The following EPHA3 variants were observed in gnomAD, a reference collection of about 807,000 sequenced individuals.
EPHA3 encodes the protein ephrin type-A receptor 3.
A neutral mutation model predicts 107.1 loss-of-function variants in EPHA3; 42 were observed. The observed-to-expected ratio is 0.39, with a 90% CI of 0.31 to 0.51. The LOEUF is 0.51. EPHA3 is among the 20% of genes least tolerant of loss of function. The pLI, the probability that EPHA3 is intolerant of heterozygous loss-of-function variation, is 0.78. For synonymous variants in EPHA3, 461 were observed against 424.8 expected (o/e 1.09, Z -1.05); for missense variants, 1,183 against 1,211.2 (o/e 0.98, Z 0.35).
At chr3:89,275,030 A>G (rs1302521937) in intron 3 of EPHA3, among the ~76,000 whole-genome samples, 1 of 152,072 alleles carries the variant, frequency 6.6e-6, no homozygotes, top group African/African-American at 2.4e-5. Context: ...AACTTTGCTA[A>G]TGATGAAACT....
intron 3 of EPHA3, among the ~76,000 whole-genome samples, chr3:89,217,833 G>A (rs1704254505): frequency 6.6e-6 from 1 of 151,896 alleles, no homozygotes; most frequent in Non-Finnish European, 1.5e-5. Flanking sequence ...ATGAGATGAA[G>A]GAATACCTGA....
intron 2 of EPHA3, among the ~76,000 whole-genome samples, chr3:89,141,294 C>T (rs1704427204): frequency 6.6e-6 from 1 of 151,372 alleles, no homozygotes; most frequent in Non-Finnish European, 1.5e-5. Flanking sequence ...TGGACTTAGA[C>T]TAGAGGTGCA....
chr3:89,265,221 C>G (rs1352560013), intron 3 of EPHA3, among the ~76,000 whole-genome samples: 1 of 152,088 alleles, frequency 6.6e-6, no homozygotes, highest in African/African-American at 2.4e-5. Context: ...AACAAATCTT[C>G]TTTCCAAAGC....
intron 3 of EPHA3, among the ~76,000 whole-genome samples, chr3:89,271,011 T>G (rs1014060404): frequency 6.6e-6 from 1 of 151,948 alleles, no homozygotes; most frequent in Non-Finnish European, 1.5e-5. Context: ...TTTAATCAAG[T>G]TAAAAAAACT....
chr3:89,348,618 A>C (rs1327291576), intron 5 of EPHA3, among the ~76,000 whole-genome samples: 1 of 133,730 alleles, frequency 7.5e-6, no homozygotes, highest in Non-Finnish European at 1.6e-5. Context: ...TATTTCCTTC[A>C]GTTCTGCTCT....
chr3:89,190,527 G>A (rs1705689702), intron 2 of EPHA3, among the ~76,000 whole-genome samples: 1 of 152,088 alleles, frequency 6.6e-6, no homozygotes, highest in Non-Finnish European at 1.5e-5. Context: ...CAGACTGGGT[G>A]GTTTAAACAA....
At chr3:89,398,544 A>G (rs1050395107) in intron 6 of EPHA3, among the ~76,000 whole-genome samples, 1 of 152,224 alleles carries the variant, frequency 6.6e-6, no homozygotes, top group African/African-American at 2.4e-5. Flanking sequence ...GTAGAGCTAC[A>G]TATAAAACCT....
intron 3 of EPHA3, among the ~76,000 whole-genome samples, chr3:89,313,627 T>A (rs1002917049): frequency 6.6e-5 from 10 of 152,092 alleles, no homozygotes; most frequent in Admixed American, 5.3e-4. Context: ...GTCTATGTCC[T>A]CTGTAGGTTC....
rs1469349885 is a variant in EPHA3 at position 89,143,325 on chromosome 3, T to G, written c.153+16052T>G. Among the ~76,000 whole-genome samples the G allele has an allele frequency of 1.8e-4, 27 of 151,470 alleles. No homozygotes were observed. The Admixed American group carries it at 1.8e-3, about 10-fold the overall frequency. ...ATATAACCCAATCTGTACTACTAAG[T>G]GGCGTTGAAAGATCTTGCTTTCACT... On this transcript the variant is annotated intron_variant, in intron 2 of 16. Coordinates refer to ENST00000336596, the MANE Select transcript of EPHA3 (RefSeq NM_005233.6).
intron 16 of EPHA3, among the ~76,000 whole-genome samples, chr3:89,477,322 T>C (rs1576399220): frequency 6.6e-6 from 1 of 151,900 alleles, no homozygotes; most frequent in South Asian, 2.1e-4. Context: ...AGGCACAAGC[T>C]CTCCAGAGAG....
At chr3:89,321,746 C>T (rs1707047580) in intron 3 of EPHA3, among the ~76,000 whole-genome samples, 1 of 151,910 alleles carries the variant, frequency 6.6e-6, no homozygotes, top group African/African-American at 2.4e-5. Flanking sequence ...TAATAAATGC[C>T]TTAATAGCAA....
chr3:89,148,734 G>A (rs760343318), intron 2 of EPHA3, among the ~76,000 whole-genome samples: 6 of 151,930 alleles, frequency 3.9e-5, no homozygotes, highest in Non-Finnish European at 7.4e-5. Context: ...TCTTAGGAAA[G>A]TTCTGTTTAT....
intron 13 of EPHA3, among the ~76,000 whole-genome samples, chr3:89,432,325 A>G (rs1225112600): frequency 6.6e-6 from 1 of 152,196 alleles, no homozygotes; most frequent in East Asian, 1.9e-4. Context: ...ATTTGCATCC[A>G]TTTAATTCAA....
At chr3:89,347,542 C>A (rs545787085) in intron 5 of EPHA3, among the ~76,000 whole-genome samples, 28,744 of 147,518 alleles carry the variant, frequency 0.19, 4,260 homozygotes, top group Non-Finnish European at 0.28. Context: ...TCTAGATATA[C>A]AATCATGTAG....
chr3:89,171,461 TG>T (rs772235299), intron 2 of EPHA3, among the ~76,000 whole-genome samples: 4 of 152,196 alleles, frequency 2.6e-5, no homozygotes, highest in Non-Finnish European at 4.4e-5. Flanking sequence ...GTTTTTCTTA[TG>T]ACACAAATTG....
chr3:89,357,735 G>C (rs1033486462), intron 5 of EPHA3, among the ~76,000 whole-genome samples: 1 of 151,106 alleles, frequency 6.6e-6, no homozygotes, highest in African/African-American at 2.4e-5. Flanking sequence ...ATTGCCTACT[G>C]TTCCATTAAC....
intron 16 of EPHA3, among the ~76,000 whole-genome samples, chr3:89,477,399 A>G (rs1248310251): frequency 6.6e-6 from 1 of 152,184 alleles, no homozygotes; most frequent in Non-Finnish European, 1.5e-5. Context: ...TTCTCAGCCC[A>G]GATGGTAGGA....
At chr3:89,330,894 A>G (rs903224005) in intron 3 of EPHA3, among the ~76,000 whole-genome samples, 3 of 152,168 alleles carry the variant, frequency 2.0e-5, no homozygotes, top group Admixed American at 2.0e-4. Flanking sequence ...ATGTTAGTGG[A>G]CTATCAAAAT....
intron 5 of EPHA3, among the ~76,000 whole-genome samples, chr3:89,385,813 A>G (rs1384758923): frequency 6.6e-6 from 1 of 152,190 alleles, no homozygotes; most frequent in East Asian, 1.9e-4. Flanking sequence ...GAGGCTTAGA[A>G]GACAGAAAGA....
Sources: gnomAD v4.1 joint callset for allele counts (sites outside exome capture counted in the v4.1 genomes callset) on GRCh38, gnomAD v4.1.1 for gene constraint, MANE v1.5 for transcripts, NCBI Gene and HGNC (gene_info 2026-07-23, HGNC 2026-07-21) for gene names.